The following ARHGEF7 variants were observed in gnomAD, a reference collection of about 807,000 sequenced individuals.
The protein encoded by ARHGEF7 is PAK-interacting exchange factor beta.
Under a neutral mutation model 109.8 loss-of-function variants are expected in ARHGEF7, and 33 were observed. The observed-to-expected ratio is 0.30, with a 90% CI of 0.23 to 0.40. The LOEUF (loss-of-function observed/expected upper bound fraction) is 0.40. Ranked by LOEUF, ARHGEF7 falls within the 10% of genes least tolerant of loss-of-function variation. The pLI is 1.00. For missense variants in ARHGEF7, 938 were observed against 1,098.5 expected, an observed-to-expected ratio of 0.85 and a Z score of 2.07; for synonymous variants, 458 against 424.6, an observed-to-expected ratio of 1.08 and a Z score of -0.97.
chr13:111,290,856 G>A (rs2093252553), intron 18 of ARHGEF7, among the ~76,000 whole-genome samples: 1 of 152,234 alleles, frequency 6.6e-6, no homozygotes, highest in Non-Finnish European at 1.5e-5. Context: ...TTGCTCGCTT[G>A]TGCTGGAAAG....
chr13:111,203,031 T>C, intron 2 of ARHGEF7: 1 of 1,250,328 alleles, frequency 8.0e-7, no homozygotes, highest in Non-Finnish European at 1.0e-6. Flanking sequence ...GTAAGAAAGA[T>C]ATATAGTTCT....
chr13:111,243,936 C>T lies in ARHGEF7; in HGVS notation c.824C>T (p.Thr275Met), dbSNP rs200956965. Residue 275 changes from threonine (T) to methionine (M), a missense_variant, in exon 7 of 22, where the codon ACG becomes ATG. Physicochemically the swap from Thr to Met is moderately conservative, Grantham distance 81 (BLOSUM62 -1). Transcript: ENST00000646102. The stretch of plus-strand genomic sequence containing the variant: ...AAAGAACTTCAGACTGTGCTTTCAA[C>T]GTACCTACGGCCATTGCAGACCAGT... Reference protein sequence around the residue: ...YSKELQTVLSTYLRPLQTSEK... With the variant: ...YSKELQTVLSMYLRPLQTSEK... The T allele has an allele frequency of 1.2e-5, 19 of 1,613,356 alleles. No individual in the cohort carries two copies. Among genetic ancestry groups the T allele is most frequent in the Admixed American group, 1.2e-4 (7 of 59,986 alleles).
chr13:111,171,872 G>C (rs147502866), intron 2 of ARHGEF7, among the ~76,000 whole-genome samples: 1,609 of 152,318 alleles, frequency 0.011, 12 homozygotes, highest in Non-Finnish European at 0.018. Flanking sequence ...AGAGGCCTCA[G>C]AGAGAGACCT....
chr13:111,265,033 A>T (rs936376782), intron 8 of ARHGEF7, among the ~76,000 whole-genome samples: 5 of 150,594 alleles, frequency 3.3e-5, no homozygotes, highest in African/African-American at 1.2e-4. Flanking sequence ...CTGAGACACG[A>T]GAATCGCTTG....
In ARHGEF7 at chr13:111,305,211, T is replaced by C. The variant is rs1393222312; in HGVS notation, c.*2098T>C. On this transcript the variant is annotated 3_prime_UTR_variant, in exon 22 of 22. Transcript: ENST00000646102. ...GCCTTTTCTTTCTGTGGATCCAGTA[T>C]CTTCCTCGGCTTTTTAGGGAGCAGG... 2.0e-5 allele frequency: 3 copies of C among 152,262 alleles called. No individual in the cohort carries two copies. The East Asian group carries it at 5.8e-4, about 29-fold the overall frequency. The allele number at this position is 152,262 out of a possible 1,614,324, so 9.4% of individuals were successfully genotyped here. A position where few individuals can be genotyped will look rare whatever the true frequency, so the allele number is the denominator to read the frequency against.
intron 1 of ARHGEF7, among the ~76,000 whole-genome samples, chr13:111,138,242 G>A (rs933655442): frequency 3.9e-5 from 6 of 152,160 alleles, no homozygotes; most frequent in Admixed American, 1.3e-4. Context: ...GAACTCGGGA[G>A]GCAGAGGTTG....
intron 8 of ARHGEF7, among the ~76,000 whole-genome samples, chr13:111,251,206 A>T (rs1191105796): frequency 6.6e-6 from 1 of 152,164 alleles, no homozygotes; most frequent in Non-Finnish European, 1.5e-5. Context: ...TGGGTAACAA[A>T]AGACACTTCT....
In ARHGEF7 at chr13:111,198,404, G is replaced by A. The variant is rs921863469; in HGVS notation, c.253-6885G>A. ...CAAGAATGAAGCCGTGGACACTCGC[G>A]GTGAGTGTTACAGTTCTTAAAGATG... On this transcript the variant is annotated intron_variant, in intron 2 of 21. Transcript: ENST00000646102. Among the ~76,000 whole-genome samples, 3 of 152,186 alleles carry A rather than the reference G, an allele frequency of 2.0e-5. No homozygotes were observed. In the East Asian group the frequency reaches 5.8e-4, roughly 29 times the overall value.
intron 2 of ARHGEF7, among the ~76,000 whole-genome samples, chr13:111,168,201 G>C (rs181161148): frequency 6.6e-6 from 1 of 152,118 alleles, no homozygotes; most frequent in African/African-American, 2.4e-5. Context: ...GAAGGTGCTA[G>C]CCCTCCCCTG....
In ARHGEF7 at chr13:111,228,828, C is replaced by T. The variant is rs2085587638; in HGVS notation, c.671-4377C>T. Among the ~76,000 whole-genome samples the T allele has an allele frequency of 6.6e-6, 1 of 152,008 alleles. No homozygotes were observed. The highest frequency in any genetic ancestry group is 2.4e-5 in the African/African-American group (1 of 41,380). On this transcript the variant is annotated intron_variant, in intron 5 of 21. Coordinates refer to ENST00000646102, the MANE Select transcript of ARHGEF7 (RefSeq NM_001354046.2). The surrounding 1 kb of genome is among the most constrained non-coding windows in gnomAD (Gnocchi z 4.6). ...AAGGTCGGAAGAGGACGTGGGAATT[C>T]CGAGTTTTTCAGGGCCATGTCTGCT...
chr13:111,217,786 C>T lies in ARHGEF7; in HGVS notation c.576C>T (p.Val192=). The change falls in exon 5 of 22, where the codon GTC becomes GTT. Residue 192 remains valine, a synonymous_variant. Coordinates refer to ENST00000646102, the MANE Select transcript of ARHGEF7 (RefSeq NM_001354046.2). ...TCTCAAAAGGAGACGTCATCCATGT[C>T]ACCCGTGTGGAAGAGGGAGGCTGGT... ...LSFSKGDVIH[V]TRVEEGGWWE... 6.2e-7 allele frequency: 1 copy of T among 1,614,254 alleles called. No homozygotes were observed. The highest frequency in any genetic ancestry group is 2.2e-5 in the East Asian group (1 of 44,890).
At chr13:111,201,939 T>C (rs1235557210) in intron 2 of ARHGEF7, among the ~76,000 whole-genome samples, 1 of 152,230 alleles carries the variant, frequency 6.6e-6, no homozygotes, top group African/African-American at 2.4e-5. Context: ...TTATCCCTGA[T>C]TTGGTATTGT....
At chr13:111,295,486 G>T (rs1414644195) in intron 19 of ARHGEF7, among the ~76,000 whole-genome samples, 1 of 152,156 alleles carries the variant, frequency 6.6e-6, no homozygotes, top group African/African-American at 2.4e-5. Context: ...TTGTGTGTGC[G>T]CATAAATGGG....
chr13:111,218,065 C>T (rs1207724303), intron 5 of ARHGEF7, among the ~76,000 whole-genome samples, 185 bp downstream of exon 5: 1 of 152,200 alleles, frequency 6.6e-6, no homozygotes, highest in African/African-American at 2.4e-5. Context: ...ATCAAGGGCT[C>T]TCTAGTTACT....
At chr13:111,201,685 C>G (rs1005568656) in intron 2 of ARHGEF7, among the ~76,000 whole-genome samples, 7 of 152,108 alleles carry the variant, frequency 4.6e-5, no homozygotes, top group Non-Finnish European at 8.8e-5. Context: ...AGCATGTTCC[C>G]CTTTCCCTGG....
chr13:111,115,826 G>C (rs1182309415), intron 1 of ARHGEF7, 135 bp downstream of exon 1: 19 of 301,798 alleles, frequency 6.3e-5, no homozygotes, highest in Middle Eastern at 1.5e-3. Context: ...CGGCGGCGCG[G>C]CCGGCGCCAG....
At chr13:111,204,554 T>A (rs2081557598) in intron 2 of ARHGEF7, among the ~76,000 whole-genome samples, 1 of 152,182 alleles carries the variant, frequency 6.6e-6, no homozygotes, top group South Asian at 2.1e-4. Flanking sequence ...TAGACACTAG[T>A]TGCCACATAC....
chr13:111,242,085 G>A (rs895336079), intron 6 of ARHGEF7, among the ~76,000 whole-genome samples: 4 of 152,140 alleles, frequency 2.6e-5, no homozygotes, highest in Admixed American at 6.5e-5. Flanking sequence ...TTGTGGTTGT[G>A]GGGTCAGCAT....
intron 8 of ARHGEF7, among the ~76,000 whole-genome samples, chr13:111,265,048 G>A (rs191748615): frequency 5.3e-5 from 8 of 150,514 alleles, no homozygotes; most frequent in African/African-American, 2.5e-5. Context: ...CGCTTGAACC[G>A]GGAAGGCGGA....
Sources: gnomAD v4.1 joint callset for allele counts (sites outside exome capture counted in the v4.1 genomes callset) on GRCh38, gnomAD v4.1.1 for gene constraint, Gnocchi (gnomAD v3.1) non-coding constraint, MANE v1.5 for transcripts, NCBI Gene and HGNC (gene_info 2026-07-23, HGNC 2026-07-21) for gene names.